NCAPG2: variants seen among roughly 807,000 people sequenced by gnomAD.
NCAPG2 encodes the protein non-SMC condensin II complex subunit G2.
A neutral mutation model predicts 141.1 loss-of-function variants in NCAPG2; 53 were observed. That is an observed-to-expected ratio of 0.38 (90% CI 0.30 to 0.47). The LOEUF (loss-of-function observed/expected upper bound fraction) is 0.47. Among genes scored for constraint, NCAPG2 ranks in the 20% least tolerant of loss-of-function variants. NCAPG2 has a pLI of 0.99. For synonymous variants in NCAPG2, 499 were observed against 490.7 expected (o/e 1.02, Z -0.22); for missense variants, 1,087 against 1,389.0 (o/e 0.78, Z 3.46).
intron 5 of NCAPG2, 133 bp downstream of exon 5, chr7:158,690,435 C>T (rs1198476522): frequency 7.4e-6 from 6 of 810,992 alleles, no homozygotes; most frequent in Middle Eastern, 3.4e-4. Context: ...GTCTCAGCTA[C>T]TTGAGAGGCT....
rs985547852 is a variant in NCAPG2, at chr7:158,683,352, A to C, written c.872T>G (p.Phe291Cys). 1.2e-6 allele frequency: 2 copies of C among 1,607,172 alleles called. No individual in the cohort carries two copies. The highest frequency in any genetic ancestry group is 1.7e-6 in the Non-Finnish European group (2 of 1,177,318). Residue 291 changes from phenylalanine to cysteine, a missense_variant, in exon 9 of 28, where the codon TTC (phenylalanine) becomes TGC (cysteine). Physicochemically the swap from Phe to Cys is radical, Grantham distance 205. Transcript: ENST00000356309. ...IENDCIQDFM[F>C]HGIHLPRRSP... ...CCTCCTCGGAAGGTGTATCCCGTGG[A>C]ACATGAAGTCCTGGATGCAATCATT...
chr7:158,667,433 C>A (rs1166736993), intron 13 of NCAPG2, among the ~76,000 whole-genome samples: 4 of 124,118 alleles, frequency 3.2e-5, no homozygotes, highest in Admixed American at 7.6e-5. Context: ...GTCCCTCCGC[C>A]CTCCTTACCC....
At chr7:158,685,624 C>T (rs1463066440) in intron 8 of NCAPG2, among the ~76,000 whole-genome samples, 1 of 152,052 alleles carries the variant, frequency 6.6e-6, no homozygotes, top group African/African-American at 2.4e-5. Flanking sequence ...ATAGTTGTGA[C>T]ACTATATGTG....
At chr7:158,648,399 A>C (rs961148426) in intron 24 of NCAPG2, among the ~76,000 whole-genome samples, 1 of 152,226 alleles carries the variant, frequency 6.6e-6, no homozygotes, top group African/African-American at 2.4e-5. Context: ...GAAAGAAAAA[A>C]AAACAGAAAG....
At chr7:158,682,582 CA>C (rs1387717877) in intron 9 of NCAPG2, among the ~76,000 whole-genome samples, 1 of 152,130 alleles carries the variant, frequency 6.6e-6, no homozygotes, top group African/African-American at 2.4e-5. Context: ...TACAACAAAA[CA>C]AAGAAATGAG....
At chr7:158,648,376 A>G (rs1485718172) in intron 24 of NCAPG2, among the ~76,000 whole-genome samples, 1 of 152,194 alleles carries the variant, frequency 6.6e-6, no homozygotes, top group African/African-American at 2.4e-5. Context: ...ACAATTCATC[A>G]TAAAAGTGAC....
rs576090613 is a variant in NCAPG2, at chr7:158,654,532, A to AGGAG, written c.2746+59_2746+62dup. The AGGAG allele has an allele frequency of 2.6e-3, 3,935 of 1,488,562 alleles. 7 individuals are homozygous for AGGAG. The highest frequency in any genetic ancestry group is 6.5e-3 in the Middle Eastern group (37 of 5,716). 92.2% of individuals were successfully genotyped at this position (1,488,562 alleles called of 1,614,324 possible). A position where few individuals can be genotyped will look rare whatever the true frequency, so the allele number is the denominator to read the frequency against. On this transcript the variant is annotated intron_variant, in intron 22 of 27. Coordinates refer to ENST00000356309, the MANE Select transcript of NCAPG2 (RefSeq NM_017760.7). The stretch of plus-strand genomic sequence containing the variant: ...GTGAGAGTTCTGAGCTACACAGTAA[A>AGGAG]GGAGGGAGGGAGGGAAGGACTGGTT...
chr7:158,678,531 G>T (rs1346161836), intron 11 of NCAPG2, among the ~76,000 whole-genome samples: 1 of 151,874 alleles, frequency 6.6e-6, no homozygotes, highest in Non-Finnish European at 1.5e-5. Context: ...AAGAGTCAGG[G>T]TCTCGCTCTA....
chr7:158,668,483 G>A, intron 13 of NCAPG2: 1 of 911,098 alleles, frequency 1.1e-6, no homozygotes, highest in Non-Finnish European at 1.3e-6. Flanking sequence ...TTATCTTTTA[G>A]AGATACATTC....
intron 13 of NCAPG2, among the ~76,000 whole-genome samples, chr7:158,666,134 T>G (rs1030012863): frequency 1.6e-4 from 25 of 152,296 alleles, no homozygotes; most frequent in African/African-American, 6.0e-4. Flanking sequence ...ATTAAGGGAC[T>G]GGAGATTTCT....
At chr7:158,641,148 A>G in intron 27 of NCAPG2, 1 of 202,002 alleles carries the variant, frequency 5.0e-6, no homozygotes, top group Non-Finnish European at 9.8e-6. Flanking sequence ...TATAACTGAT[A>G]TGCTAGGAAA....
intron 27 of NCAPG2, among the ~76,000 whole-genome samples, chr7:158,637,871 C>T (rs372135679): frequency 5.3e-5 from 8 of 152,148 alleles, no homozygotes; most frequent in Admixed American, 6.5e-5. Context: ...TGGCTGGGCA[C>T]GGTGGCTCAC....
At chr7:158,638,998 T>C (rs555384117) in intron 27 of NCAPG2, among the ~76,000 whole-genome samples, 2 of 152,334 alleles carry the variant, frequency 1.3e-5, no homozygotes, top group East Asian at 1.9e-4. Flanking sequence ...ACTTTGCTCT[T>C]CATCCGGACA....
intron 27 of NCAPG2, among the ~76,000 whole-genome samples, chr7:158,637,277 G>C (rs1030786324): frequency 2.0e-5 from 3 of 152,150 alleles, no homozygotes; most frequent in Non-Finnish European, 4.4e-5. Flanking sequence ...TAGCATAGTG[G>C]ACACTCAATC....
In NCAPG2 at chr7:158,644,303, C is replaced by G. The variant is rs771245105; in HGVS notation, c.3366G>C (p.Glu1122Asp). Residue 1122 changes from glutamate to aspartate, a missense_variant, in exon 27 of 28, where the codon GAG (glutamate) becomes GAC (aspartate). Transcript: ENST00000356309. ...CTCTCCTTTACCTTTCAATGCTATCCTCTTCCAAAGTAATTTCCATGAATG... is the reference window on the plus strand; with the variant it reads ...CTCTCCTTTACCTTTCAATGCTATCGTCTTCCAAAGTAATTTCCATGAATG... ...LKTFMEITLE[E>D]DSIERFLYES... The G allele has an allele frequency of 1.2e-6, 2 of 1,611,662 alleles. No homozygotes were observed. Among genetic ancestry groups the G allele is most frequent in the South Asian group, 1.1e-5 (1 of 91,018 alleles).
At chr7:158,645,491 C>T (rs2129457485) in intron 26 of NCAPG2, 28 bp downstream of exon 26, 1 of 1,598,558 alleles carries the variant, frequency 6.3e-7, no homozygotes, top group Non-Finnish European at 8.6e-7. Flanking sequence ...CAGCCACCTT[C>T]CAGATGACAG....
intron 19 of NCAPG2, 87 bp from the exon 20 acceptor site, chr7:158,655,542 T>C: frequency 8.6e-7 from 1 of 1,159,530 alleles, no homozygotes; most frequent in Non-Finnish European, 1.3e-6. Flanking sequence ...AAGCACCTGA[T>C]CCTCAGGCGA....
chr7:158,642,355 G>A (rs1039280538), intron 27 of NCAPG2, among the ~76,000 whole-genome samples: 2 of 152,112 alleles, frequency 1.3e-5, no homozygotes, highest in Admixed American at 6.5e-5. Context: ...GGCAAACATA[G>A]TGAGACCCCA....
intron 27 of NCAPG2, among the ~76,000 whole-genome samples, chr7:158,637,827 A>T (rs1217406333): frequency 6.6e-6 from 1 of 151,978 alleles, no homozygotes; most frequent in Non-Finnish European, 1.5e-5. Context: ...CCAATAACCC[A>T]TCGTGCCAAC....
Sources: gnomAD v4.1 joint callset for allele counts (sites outside exome capture counted in the v4.1 genomes callset) on GRCh38, gnomAD v4.1.1 for gene constraint, MANE v1.5 for transcripts, NCBI Gene and HGNC (gene_info 2026-07-23, HGNC 2026-07-21) for gene names.